The following FARS2 variants were observed in gnomAD, a reference collection of about 807,000 sequenced individuals.
FARS2 encodes the protein phenylalanyl-tRNA synthetase 2, mitochondrial.
In FARS2, 40 loss-of-function variants were observed where a neutral mutation model predicts 46.4. The ratio of observed to expected loss-of-function variants is 0.86; its 90% CI spans 0.67 to 1.12. The LOEUF (loss-of-function observed/expected upper bound fraction) is 1.12. FARS2 is among the 50% of genes most tolerant of loss of function. The probability of loss-of-function intolerance (pLI) is 0.00; values close to 1 mark genes in which losing one functional copy is unlikely to be tolerated. For synonymous variants in FARS2, 234 were observed against 214.9 expected (o/e 1.09, Z -0.78); for missense variants, 513 against 567.9 (o/e 0.90, Z 0.98).
intron 6 of FARS2, among the ~76,000 whole-genome samples, chr6:5,688,662 C>G (rs753841670): frequency 3.9e-5 from 6 of 152,104 alleles, no homozygotes; most frequent in African/African-American, 7.2e-5. Flanking sequence ...CTAAAATTCT[C>G]TTTTTTTGTT....
intron 6 of FARS2, among the ~76,000 whole-genome samples, chr6:5,730,541 C>A (rs1444961470): frequency 6.6e-6 from 1 of 151,340 alleles, no homozygotes; most frequent in Admixed American, 6.6e-5. Flanking sequence ...ACAACTAGAA[C>A]TGTTTTTCTT....
At position 5,286,986 on chromosome 6, in the gene FARS2, G is replaced by T. The variant is rs569125745; in HGVS notation, c.-22+25326G>T. 3.2e-4 allele frequency among the ~76,000 whole-genome samples: 48 copies of T among 152,356 alleles called. 1 individual carries two copies. Among genetic ancestry groups the T allele is most frequent in the Admixed American group, 2.9e-3 (44 of 15,300 alleles). ...TACAGGAAGACTCGCTGCACTTGTG[G>T]CCCCAGGCCTGGCCGCCTGTGGAGC... On this transcript the variant is annotated intron_variant, in intron 1 of 6. Transcript: ENST00000274680.
intron 1 of FARS2, among the ~76,000 whole-genome samples, chr6:5,312,773 A>G (rs1322756993): frequency 2.6e-5 from 4 of 152,250 alleles, no homozygotes; most frequent in Non-Finnish European, 5.9e-5. Flanking sequence ...GCACTGTAGC[A>G]AGTGCTGGAG....
At chr6:5,433,185 A>G (rs1562037533) in intron 4 of FARS2, among the ~76,000 whole-genome samples, 1 of 151,922 alleles carries the variant, frequency 6.6e-6, no homozygotes, top group Non-Finnish European at 1.5e-5. Flanking sequence ...GTGTCTCTTT[A>G]GGCAGGGTTC....
rs1554106124 is a variant in FARS2 at position 5,534,859 on chromosome 6, G to GCACACACACACACTTGCACGCGCA, written c.905-10308_905-10307insTTGCACGCGCACACACACACACAC. Among the ~76,000 whole-genome samples the GCACACACACACACTTGCACGCGCA allele has an allele frequency of 7.3e-5, 11 of 149,970 alleles. No individual in the cohort carries two copies. The East Asian group carries it at 9.7e-4, about 13-fold the overall frequency. On this transcript the variant is annotated intron_variant, in intron 4 of 6. Transcript: ENST00000274680. ...CACGCACGCATACACACTTGCACGC[G>GCACACACACACACTTGCACGCGCA]CACACACACACACACAGAGACTGAG...
chr6:5,485,811 C>T (rs1483350126), intron 4 of FARS2, among the ~76,000 whole-genome samples: 1 of 152,174 alleles, frequency 6.6e-6, no homozygotes, highest in Non-Finnish European at 1.5e-5. Context: ...CTGTGTACAT[C>T]CAAATGAATT....
At chr6:5,755,436 G>A (rs1426000138) in intron 6 of FARS2, among the ~76,000 whole-genome samples, 1 of 151,990 alleles carries the variant, frequency 6.6e-6, no homozygotes, top group Non-Finnish European at 1.5e-5. Context: ...GAGAACATGT[G>A]GTGTTTAGTT....
rs1456156929 is a variant in FARS2 at position 5,505,046 on chromosome 6, GA to G, written c.905-40130del. Among the ~76,000 whole-genome samples, 5 of 152,208 alleles carry G rather than the reference GA, an allele frequency of 3.3e-5. No individual in the cohort carries two copies. The East Asian group carries it at 9.6e-4, about 29-fold the overall frequency. On this transcript the variant is annotated intron_variant, in intron 4 of 6. Coordinates refer to ENST00000274680, the MANE Select transcript of FARS2 (RefSeq NM_006567.5). ...TGATTATATAGATCCATGATTATGA[GA>G]AAACCAGTTTGTCAGTCAATAAATA...
At chr6:5,535,670 A>G (rs1770148395) in intron 4 of FARS2, among the ~76,000 whole-genome samples, 1 of 152,106 alleles carries the variant, frequency 6.6e-6, no homozygotes, top group African/African-American at 2.4e-5. Context: ...TGGGTTTTTC[A>G]CACATTGTCT....
chr6:5,344,829 C>T (rs1456769606), intron 1 of FARS2, among the ~76,000 whole-genome samples: 1 of 150,336 alleles, frequency 6.7e-6, no homozygotes, highest in African/African-American at 2.5e-5. Context: ...TTCTCTGTTA[C>T]CCAGACTGGA....
chr6:5,486,876 TATG>T (rs1766805793), intron 4 of FARS2, among the ~76,000 whole-genome samples: 1 of 152,220 alleles, frequency 6.6e-6, no homozygotes, highest in African/African-American at 2.4e-5. Flanking sequence ...TAAAAGCTAA[TATG>T]ATAATGGCAG....
intron 1 of FARS2, among the ~76,000 whole-genome samples, chr6:5,314,320 G>A (rs1198433194): frequency 1.3e-5 from 2 of 152,140 alleles, no homozygotes; most frequent in African/African-American, 4.8e-5. Context: ...TATGGATGGT[G>A]TGGGTGTGAT....
chr6:5,393,431 C>T (rs1006325370), intron 2 of FARS2, among the ~76,000 whole-genome samples: 7 of 151,624 alleles, frequency 4.6e-5, no homozygotes, highest in South Asian at 2.1e-4. Context: ...CTGAGGTGGG[C>T]GGATCGCGAG....
At chr6:5,737,365 C>T (rs7769549) in intron 6 of FARS2, among the ~76,000 whole-genome samples, 7,822 of 152,178 alleles carry the variant, frequency 0.051, 671 homozygotes, top group African/African-American at 0.18. Flanking sequence ...ACCCCGTCTC[C>T]ACTAAAAATA....
At chr6:5,280,059 T>C (rs1235379496) in intron 1 of FARS2, among the ~76,000 whole-genome samples, 1 of 152,132 alleles carries the variant, frequency 6.6e-6, no homozygotes, top group African/African-American at 2.4e-5. Context: ...GCTAGGGGTG[T>C]TTTTGGTCCT....
intron 6 of FARS2, among the ~76,000 whole-genome samples, chr6:5,684,569 GC>G (rs1281478329): frequency 6.6e-6 from 1 of 152,098 alleles, no homozygotes; most frequent in African/African-American, 2.4e-5. Context: ...CCTAGAGTAA[GC>G]CAGCTGTATA....
chr6:5,580,618 G>A (rs551246319), intron 5 of FARS2, among the ~76,000 whole-genome samples: 2 of 152,108 alleles, frequency 1.3e-5, no homozygotes, highest in African/African-American at 2.4e-5. Flanking sequence ...TGCCTCCCTC[G>A]CTCATATCAC....
chr6:5,470,879 A>G (rs527654404), intron 4 of FARS2, among the ~76,000 whole-genome samples: 2 of 152,332 alleles, frequency 1.3e-5, no homozygotes, highest in East Asian at 1.9e-4. Flanking sequence ...TGTGTTCATG[A>G]TACAAAATTG....
chr6:5,456,676 A>G (rs1288619151), intron 4 of FARS2, among the ~76,000 whole-genome samples: 3 of 131,068 alleles, frequency 2.3e-5, no homozygotes, highest in African/African-American at 8.5e-5. Flanking sequence ...GGTTGCAGTG[A>G]GCCGAGATGG....
Sources: gnomAD v4.1 joint callset for allele counts (sites outside exome capture counted in the v4.1 genomes callset) on GRCh38, gnomAD v4.1.1 for gene constraint, MANE v1.5 for transcripts, NCBI Gene and HGNC (gene_info 2026-07-23, HGNC 2026-07-21) for gene names.